TRPM1: variants seen among roughly 807,000 people sequenced by gnomAD.
TRPM1 encodes transient receptor potential cation channel subfamily M member 1, also known as TRPM1-203 APA Isoform, Intron 10.
A neutral mutation model predicts 149.4 loss-of-function variants in TRPM1; 113 were observed. The observed-to-expected ratio is 0.76, with a 90% CI of 0.65 to 0.88. The LOEUF is 0.88. Among genes scored for constraint, TRPM1 ranks in the 40% least tolerant of loss-of-function variants. The probability of loss-of-function intolerance (pLI) is 0.00; values close to 1 mark genes in which losing one functional copy is unlikely to be tolerated. For synonymous variants in TRPM1, 741 were observed against 759.5 expected (o/e 0.98, Z 0.40); for missense variants, 1,976 against 2,038.7 (o/e 0.97, Z 0.59).
intron 1 of TRPM1, among the ~76,000 whole-genome samples, chr15:31,082,405 A>G (rs1382626902): frequency 1.3e-5 from 2 of 152,178 alleles, no homozygotes. Flanking sequence ...TGGCACTGCC[A>G]CCACGCCCCC....
chr15:31,067,732 G>A (rs2034419749), intron 5 of TRPM1, 147 bp downstream of exon 5: 2 of 791,484 alleles, frequency 2.5e-6, no homozygotes, highest in Admixed American at 2.3e-5. Flanking sequence ...AAAAACACAA[G>A]CTAGGGAATA....
At chr15:31,139,767 T>C (rs1479634705) in intron 1 of TRPM1, among the ~76,000 whole-genome samples, 1 of 152,236 alleles carries the variant, frequency 6.6e-6, no homozygotes, top group Non-Finnish European at 1.5e-5. Context: ...TGCTGTAAAA[T>C]GGTTAGCAGG....
intron 27 of TRPM1, among the ~76,000 whole-genome samples, chr15:31,008,967 A>T (rs1237846208): frequency 6.6e-6 from 1 of 152,214 alleles, no homozygotes; most frequent in Non-Finnish European, 1.5e-5. Context: ...GAGAAGACTC[A>T]TCTTTATGTT....
chr15:31,005,286 T>C (rs1426792450), intron 27 of TRPM1, among the ~76,000 whole-genome samples: 1 of 152,118 alleles, frequency 6.6e-6, no homozygotes, highest in African/African-American at 2.4e-5. Context: ...ATAAATACAC[T>C]GGTGAAATGA....
rs2034207038 is a variant in TRPM1, at chr15:31,060,640, T to C, written c.1167A>G (p.Thr389=). Residue 389 remains threonine (T), a synonymous_variant, in exon 11 of 28, where the codon ACA becomes ACG. Coordinates refer to ENST00000256552, the MANE Select transcript of TRPM1 (RefSeq NM_001252024.2). ...MAILTALLKG[T]NVSAPDQLSL... is the part of the protein sequence containing the mutation. ...TCAGCTGATCTGGAGCAGATACGTT[T>C]GTTCCTGGAAAGGCAAGAAACCGGA... 1 of 1,614,098 alleles carries C rather than the reference T, an allele frequency of 6.2e-7. No homozygotes were observed. The highest frequency in any genetic ancestry group is 8.5e-7 in the Non-Finnish European group (1 of 1,179,978).
Position 31,063,246 on chromosome 15 carries a change from G to A in TRPM1, c.837C>T (p.Gly279=). 1 of 1,614,038 alleles carries A rather than the reference G, an allele frequency of 6.2e-7. No homozygotes were observed. The highest frequency in any genetic ancestry group is 8.5e-7 in the Non-Finnish European group (1 of 1,180,010). The change falls in exon 8 of 28, where the codon GGC becomes GGT. Residue 279 remains glycine, a synonymous_variant. Transcript: ENST00000256552. ...VPLVGLVVEG[G]PNVVSIVLEY... The stretch of plus-strand genomic sequence containing the variant: ...CCAAGACGATGGACACCACGTTAGG[G>A]CCCCCCTCCACCACGAGACCCACGA...
intron 1 of TRPM1, among the ~76,000 whole-genome samples, chr15:31,109,394 AAAG>A (rs2035653401): frequency 6.7e-6 from 1 of 150,120 alleles, no homozygotes; most frequent in African/African-American, 2.4e-5. Flanking sequence ...AGAAAAGAAA[AAAG>A]AAAAAATAGA....
At chr15:31,066,371 G>T in intron 6 of TRPM1, 124 bp from the exon 7 acceptor site, 3 of 1,068,684 alleles carry the variant, frequency 2.8e-6, no homozygotes, top group South Asian at 1.3e-5. Context: ...TCTCTACCCT[G>T]CCTTTTGAAG....
At chr15:31,139,495 A>G (rs1423804733) in intron 1 of TRPM1, among the ~76,000 whole-genome samples, 1 of 152,212 alleles carries the variant, frequency 6.6e-6, no homozygotes, top group Non-Finnish European at 1.5e-5. Flanking sequence ...TGTGTTATGT[A>G]TATGTGATGT....
At chr15:31,062,071 G>A (rs545161805) in intron 9 of TRPM1, among the ~76,000 whole-genome samples, 2 of 152,216 alleles carry the variant, frequency 1.3e-5, no homozygotes, top group South Asian at 2.1e-4. Context: ...TGGCACCCTC[G>A]AGAGGAGGGA....
At position 31,070,166 on chromosome 15, in the gene TRPM1, G is replaced by C. The variant is rs1231475557; in HGVS notation, c.144C>G (p.Ser48Arg). The change falls in exon 4 of 28, where the codon AGC (serine) becomes AGG (arginine). Residue 48 changes from serine to arginine, a missense_variant. Around this residue, in one of 3 missense-constraint regions of TRPM1, gnomAD observed 1,332 missense variants for 1,347.1 expected, o/e 0.99. Transcript: ENST00000256552. ...CCTGTTTGCTTTCCTCTTCATTTTT[G>C]CTGGGTGTTGCACTTGGCAGAGGGG... ...HIPPLPSATP[S>R]KNEEESKQVE... 1 of 1,613,878 alleles carries C rather than the reference G, an allele frequency of 6.2e-7. No individual in the cohort carries two copies. Among genetic ancestry groups the C allele is most frequent in the Non-Finnish European group, 8.5e-7 (1 of 1,179,934 alleles).
intron 1 of TRPM1, among the ~76,000 whole-genome samples, chr15:31,114,440 C>T (rs960727233): frequency 6.6e-6 from 1 of 152,112 alleles, no homozygotes; most frequent in Admixed American, 6.5e-5. Context: ...AGGTTGATTC[C>T]ATATCTTGCT....
chr15:31,113,553 G>T (rs927609843), intron 1 of TRPM1, among the ~76,000 whole-genome samples: 3 of 147,302 alleles, frequency 2.0e-5, no homozygotes, highest in African/African-American at 8.1e-5. Flanking sequence ...CTCCTAAAAT[G>T]TTTTTTTTTA....
At chr15:31,098,538 G>A (rs1206034119) in intron 1 of TRPM1, among the ~76,000 whole-genome samples, 1 of 152,166 alleles carries the variant, frequency 6.6e-6, no homozygotes, top group African/African-American at 2.4e-5. Context: ...TGGCTCTTCT[G>A]TGGGGTTTTC....
chr15:31,007,561 G>A (rs1030900628), intron 27 of TRPM1, among the ~76,000 whole-genome samples: 6 of 152,086 alleles, frequency 3.9e-5, no homozygotes, highest in African/African-American at 1.4e-4. Flanking sequence ...CAGTGCTTCG[G>A]GAGACTGAGG....
chr15:31,110,725 G>A (rs539701390), intron 1 of TRPM1, among the ~76,000 whole-genome samples: 5 of 152,278 alleles, frequency 3.3e-5, no homozygotes, highest in Admixed American at 2.0e-4. Flanking sequence ...CTCCATTGGA[G>A]GGCACAGGCC....
chr15:31,161,057 A>C (rs2036439155), exon 1 of TRPM1: 1 of 1,244,984 alleles, frequency 8.0e-7, no homozygotes, highest in South Asian at 1.3e-5. Context: ...GAGCGGAGCC[A>C]CACACTCGGC....
intron 27 of TRPM1, among the ~76,000 whole-genome samples, chr15:31,014,449 C>T (rs1271223957): frequency 1.3e-5 from 2 of 152,190 alleles, no homozygotes; most frequent in East Asian, 1.9e-4. Flanking sequence ...TTGTTGTTTT[C>T]AAGGTGACTA....
intron 26 of TRPM1, 121 bp downstream of exon 26, chr15:31,026,794 T>C (rs2032782005): frequency 1.6e-5 from 16 of 1,027,036 alleles, no homozygotes; most frequent in Non-Finnish European, 2.4e-5. Context: ...AGAACAGCAG[T>C]TGGACTGAGT....
Sources: gnomAD v4.1 joint callset for allele counts (sites outside exome capture counted in the v4.1 genomes callset) on GRCh38, gnomAD v4.1.1 for gene constraint, gnomAD v4.1.1 regional missense constraint, MANE v1.5 for transcripts, NCBI Gene and HGNC (gene_info 2026-07-23, HGNC 2026-07-21) for gene names.